PICALM: variants seen among roughly 807,000 people sequenced by gnomAD.
The protein encoded by PICALM is phosphatidylinositol-binding clathrin assembly protein.
In PICALM, 40 loss-of-function variants were observed where a neutral mutation model predicts 80.5. That is an observed-to-expected ratio of 0.50 (90% CI 0.39 to 0.65). The LOEUF is 0.65. Ranked by LOEUF, PICALM falls within the 30% of genes least tolerant of loss-of-function variation. The probability of loss-of-function intolerance (pLI) is 0.00; values close to 1 mark genes in which losing one functional copy is unlikely to be tolerated. For synonymous variants in PICALM, 288 were observed against 260.3 expected (o/e 1.11, Z -1.02); for missense variants, 676 against 778.9 (o/e 0.87, Z 1.57).
At chr11:85,980,582 A>G (rs2094412880) in intron 17 of PICALM, among the ~76,000 whole-genome samples, 1 of 152,234 alleles carries the variant, frequency 6.6e-6, no homozygotes, top group African/African-American at 2.4e-5. Flanking sequence ...ATAATTGCCA[A>G]ACACATTGTC....
chr11:86,015,190 G>A (rs866835563), intron 4 of PICALM, among the ~76,000 whole-genome samples: 1 of 151,962 alleles, frequency 6.6e-6, no homozygotes, highest in African/African-American at 2.4e-5. Context: ...AACTAAAAAA[G>A]AACATAAAGC....
rs11407535 is a variant in PICALM at position 85,975,592 on chromosome 11, C to CTTTTTT, written c.1840-786_1840-781dup. Among the ~76,000 whole-genome samples the CTTTTTT allele has an allele frequency of 4.2e-4, 38 of 89,636 alleles. 1 individual carries two copies. The highest frequency in any genetic ancestry group is 6.8e-4 in the East Asian group (2 of 2,926). The allele number at this position is 89,636 out of a possible 152,430, so 58.8% of individuals were successfully genotyped here. ...TTTATGGCCTGAGTTTCTCAGCAGA[C>CTTTTTT]TTTTTTTTTTTTTTTTTTTTTTGAG... is the stretch of plus-strand genomic sequence containing the variant. On this transcript the variant is annotated intron_variant, in intron 18 of 19. Coordinates refer to ENST00000393346, the MANE Select transcript of PICALM (RefSeq NM_007166.4).
Position 86,068,727 on chromosome 11 carries a change from G to C in PICALM, c.54C>G (p.Thr18=). The change falls in exon 1 of 20, where the codon ACC becomes ACG. Residue 18 remains threonine (T), a synonymous_variant. Transcript: ENST00000393346. The part of the protein sequence containing the change: ...DRITAAQHSV[T]GSAVSKTVCK... Reference sequence around the variant, plus strand: ...ATACTGTCTTGGATACGGCAGAGCCGGTGACACTGTGCTGGGCGGCAGTGA... The same window carrying C: ...ATACTGTCTTGGATACGGCAGAGCCCGTGACACTGTGCTGGGCGGCAGTGA... The C allele has an allele frequency of 6.2e-7, 1 of 1,613,004 alleles. No individual in the cohort carries two copies. Among genetic ancestry groups the C allele is most frequent in the Non-Finnish European group, 8.5e-7 (1 of 1,179,768 alleles).
At chr11:86,022,063 G>A (rs898543180) in intron 4 of PICALM, among the ~76,000 whole-genome samples, 1 of 152,108 alleles carries the variant, frequency 6.6e-6, no homozygotes, top group African/African-American at 2.4e-5. Flanking sequence ...TCTTTGTGGA[G>A]GTGATAAAAA....
chr11:85,963,943 T>C (rs868489880), intron 19 of PICALM, among the ~76,000 whole-genome samples: 2 of 146,438 alleles, frequency 1.4e-5, no homozygotes, highest in Admixed American at 1.4e-4. Context: ...TTTTTTTTTT[T>C]ATTAAAGTTA....
chr11:85,986,207 G>A (rs2094565971), intron 13 of PICALM, among the ~76,000 whole-genome samples: 1 of 151,936 alleles, frequency 6.6e-6, no homozygotes, highest in African/African-American at 2.4e-5. Context: ...ACAGTTATCA[G>A]GGAGGCAAGC....
intron 1 of PICALM, among the ~76,000 whole-genome samples, chr11:86,032,891 TTTTCC>T (rs2136818683): frequency 6.6e-6 from 1 of 152,256 alleles, no homozygotes; most frequent in African/African-American, 2.4e-5. Flanking sequence ...TACTTAAAAT[TTTTCC>T]TTTAATAGGT....
chr11:85,996,449 A>C (rs986732757), intron 12 of PICALM, among the ~76,000 whole-genome samples: 7 of 152,118 alleles, frequency 4.6e-5, no homozygotes, highest in Non-Finnish European at 1.0e-4. Flanking sequence ...ACTTAACACA[A>C]AGATAAGTTA....
At chr11:86,064,717 G>A (rs1022079217) in intron 1 of PICALM, among the ~76,000 whole-genome samples, 6 of 150,126 alleles carry the variant, frequency 4.0e-5, no homozygotes, top group African/African-American at 1.5e-4. Flanking sequence ...AGTGAAATAT[G>A]TCAAAATATA....
chr11:86,026,345 G>T lies in PICALM; in HGVS notation c.296C>A (p.Ser99Ter). 1 of 1,602,504 alleles carries T rather than the reference G, an allele frequency of 6.2e-7. No individual in the cohort carries two copies. Among genetic ancestry groups the T allele is most frequent in the South Asian group, 1.1e-5 (1 of 90,480 alleles). ...GCTTAAGTTAAACAACGTGTTTCTTGAAGCCAAATACTGAATAAAACGCTG... is the reference window on the plus strand; with the variant it reads ...GCTTAAGTTAAACAACGTGTTTCTTTAAGCCAAATACTGAATAAAACGCTG... Reference protein sequence around the residue: ...GNERFIQYLASRNTLFNLSNF... With the variant: ...GNERFIQYLA The change falls in exon 3 of 20, where the codon TCA becomes TAA. Residue 99 changes from serine (S) to a stop codon, truncating the protein, a stop_gained. Coordinates refer to ENST00000393346, the MANE Select transcript of PICALM (RefSeq NM_007166.4). LOFTEE classifies it high-confidence loss of function.
intron 4 of PICALM, among the ~76,000 whole-genome samples, chr11:86,021,121 G>A (rs533427863): frequency 1.4e-4 from 21 of 152,260 alleles, no homozygotes; most frequent in Non-Finnish European, 2.9e-4. Flanking sequence ...GCCAAAATGG[G>A]AAGACTGCTT....
chr11:86,044,439 C>A (rs1002202254), intron 1 of PICALM, among the ~76,000 whole-genome samples: 4 of 152,186 alleles, frequency 2.6e-5, no homozygotes, highest in African/African-American at 9.7e-5. Context: ...CAAACGGGAT[C>A]GTCTCTTGGT....
At chr11:86,032,034 C>T (rs963474343) in intron 1 of PICALM, among the ~76,000 whole-genome samples, 1 of 152,096 alleles carries the variant, frequency 6.6e-6, no homozygotes, top group African/African-American at 2.4e-5. Context: ...ATCATCCATA[C>T]AGAAGAATGA....
chr11:86,063,848 A>G (rs1189532661), intron 1 of PICALM, among the ~76,000 whole-genome samples: 1 of 152,160 alleles, frequency 6.6e-6, no homozygotes, highest in Admixed American at 6.5e-5. Context: ...ATTACAAAAT[A>G]ACTGTCTTCT....
chr11:86,005,412 T>A (rs1374400890), intron 8 of PICALM, among the ~76,000 whole-genome samples: 1 of 151,688 alleles, frequency 6.6e-6, no homozygotes, highest in African/African-American at 2.4e-5. Context: ...CGACAAAGAG[T>A]GAGGAGGCTG....
intron 1 of PICALM, among the ~76,000 whole-genome samples, chr11:86,052,356 G>A (rs554002556): frequency 1.3e-5 from 2 of 152,256 alleles, no homozygotes; most frequent in South Asian, 4.1e-4. Flanking sequence ...ACCCAGTCTT[G>A]GGTGTTTCTT....
intron 5 of PICALM, among the ~76,000 whole-genome samples, chr11:86,013,030 G>A (rs188690762): frequency 2.6e-5 from 4 of 152,182 alleles, no homozygotes; most frequent in East Asian, 1.9e-4. Flanking sequence ...AAAAGAACAC[G>A]GTAGCTCATG....
chr11:86,042,017 G>C (rs977602543), intron 1 of PICALM, among the ~76,000 whole-genome samples: 3 of 152,094 alleles, frequency 2.0e-5, no homozygotes, highest in Non-Finnish European at 4.4e-5. Context: ...CTTAATATAA[G>C]AAAGTGTAAA....
chr11:86,017,883 A>G (rs2040353036), intron 4 of PICALM, among the ~76,000 whole-genome samples: 1 of 152,184 alleles, frequency 6.6e-6, no homozygotes, highest in Admixed American at 6.5e-5. Flanking sequence ...CCACTCTCAA[A>G]TGGTTCAGAA....
Sources: gnomAD v4.1 joint callset for allele counts (sites outside exome capture counted in the v4.1 genomes callset) on GRCh38, gnomAD v4.1.1 for gene constraint, MANE v1.5 for transcripts, NCBI Gene and HGNC (gene_info 2026-07-23, HGNC 2026-07-21) for gene names.